The following GNG7 variants were observed in gnomAD, a reference collection of about 807,000 sequenced individuals.
GNG7 encodes G protein subunit gamma 7, also known as guanine nucleotide-binding protein G(I)/G(S)/G(O) subunit gamma-7.
A neutral mutation model predicts 4.0 loss-of-function variants in GNG7; 1 was observed. The ratio of observed to expected loss-of-function variants is 0.25; its 90% confidence interval spans 0.09 to 1.18. The LOEUF is 1.18. Ranked by LOEUF, GNG7 falls within the 50% of genes most tolerant of loss-of-function variation. The probability of loss-of-function intolerance (pLI) is 0.50; values close to 1 mark genes in which losing one functional copy is unlikely to be tolerated. For missense variants in GNG7, 86 were observed against 91.9 expected, an observed-to-expected ratio of 0.94 and a Z score of 0.26; for synonymous variants, 34 against 36.9, an observed-to-expected ratio of 0.92 and a Z score of 0.29.
At chr19:2,525,433 C>G (rs1978360325) in intron 3 of GNG7, among the ~76,000 whole-genome samples, 1 of 152,180 alleles carries the variant, frequency 6.6e-6, no homozygotes. Flanking sequence ...CGAGTCTAAG[C>G]CCGCCTCGTG....
At chr19:2,588,725 G>C (rs1007713400) in intron 2 of GNG7, among the ~76,000 whole-genome samples, 1 of 152,196 alleles carries the variant, frequency 6.6e-6, no homozygotes, top group Non-Finnish European at 1.5e-5. Flanking sequence ...GTCCTGGTTG[G>C]AGTGGCTCCA....
intron 2 of GNG7, among the ~76,000 whole-genome samples, chr19:2,567,434 C>T (rs150861860): frequency 6.6e-6 from 1 of 152,024 alleles, no homozygotes; most frequent in Non-Finnish European, 1.5e-5. Context: ...CAAGCGACCT[C>T]CCTGCCTCAG....
intron 1 of GNG7, among the ~76,000 whole-genome samples, chr19:2,693,871 C>A (rs1261582181): frequency 6.6e-6 from 1 of 152,110 alleles, no homozygotes; most frequent in East Asian, 1.9e-4. Flanking sequence ...CACAACCCCC[C>A]CAAGTCTCTA....
chr19:2,542,104 G>GTT (rs1555692195), intron 3 of GNG7, among the ~76,000 whole-genome samples: 2 of 103,624 alleles, frequency 1.9e-5, no homozygotes, highest in African/African-American at 3.7e-5. Flanking sequence ...AGCGCTGTGT[G>GTT]TTCTTTTTTT....
At chr19:2,519,877 C>T (rs1414748898) in intron 4 of GNG7, among the ~76,000 whole-genome samples, 1 of 152,150 alleles carries the variant, frequency 6.6e-6, no homozygotes, top group African/African-American at 2.4e-5. Context: ...CAAGTGTGAT[C>T]CTTGTAAAAA....
At chr19:2,601,723 G>A in intron 2 of GNG7, among the ~76,000 whole-genome samples, 1 of 151,716 alleles carries the variant, frequency 6.6e-6, no homozygotes, top group East Asian at 1.9e-4. Context: ...AGACCAGCCT[G>A]AGCAACATGG....
At chr19:2,680,531 G>A (rs1465223782) in intron 1 of GNG7, among the ~76,000 whole-genome samples, 1 of 150,638 alleles carries the variant, frequency 6.6e-6, no homozygotes, top group East Asian at 1.9e-4. Flanking sequence ...TAGACTAACA[G>A]TGGGTTTTTT....
intron 1 of GNG7, among the ~76,000 whole-genome samples, chr19:2,652,315 A>T (rs1982851709): frequency 6.6e-6 from 1 of 151,734 alleles, no homozygotes; most frequent in Non-Finnish European, 1.5e-5. Context: ...CCAAAAACAA[A>T]ACAAGCAAAG....
At chr19:2,553,539 A>G (rs988799052) in intron 3 of GNG7, among the ~76,000 whole-genome samples, 11 of 148,752 alleles carry the variant, frequency 7.4e-5, no homozygotes, top group Admixed American at 2.0e-4. Context: ...ATGTAACATC[A>G]CATTACATAT....
At chr19:2,547,406 C>T (rs1414321564) in intron 3 of GNG7, among the ~76,000 whole-genome samples, 3 of 152,052 alleles carry the variant, frequency 2.0e-5, no homozygotes, top group Non-Finnish European at 4.4e-5. Flanking sequence ...TCCCTCGGCT[C>T]GGGACCCTTC....
intron 2 of GNG7, among the ~76,000 whole-genome samples, chr19:2,625,038 G>A (rs111560070): frequency 0.014 from 2,073 of 152,282 alleles, 16 homozygotes; most frequent in Non-Finnish European, 0.022. Context: ...GCCCTGTGCC[G>A]AGGGTGCATG....
chr19:2,659,610 A>AAAAAAAAAAAG lies in GNG7; in HGVS notation c.-134-13331_-134-13330insCTTTTTTTTTT, dbSNP rs5826778. Reference sequence around the variant, plus strand: ...TCCATCTTAAAAAAAAAAAAAAAAAAAGAGAGGAGGGGAGGGAAAGAGGGA... The same window carrying AAAAAAAAAAAG: ...TCCATCTTAAAAAAAAAAAAAAAAAAAAAAAAAAAAGAGAGAGGAGGGGAGGGAAAGAGGGA... On this transcript the variant is annotated intron_variant, in intron 1 of 4. Transcript: ENST00000382159. Among the ~76,000 whole-genome samples, 845 of 121,374 alleles carry AAAAAAAAAAAG rather than the reference A, an allele frequency of 7.0e-3. 53 individuals are homozygous for AAAAAAAAAAAG. The highest frequency in any genetic ancestry group is 0.03 in the East Asian group (96 of 3,184). The allele number at this position is 121,374 out of a possible 152,430, so 79.6% of individuals were successfully genotyped here.
At chr19:2,568,176 TAC>T (rs1371794062) in intron 2 of GNG7, among the ~76,000 whole-genome samples, 4 of 141,494 alleles carry the variant, frequency 2.8e-5, no homozygotes, top group South Asian at 2.3e-4. Flanking sequence ...TACACACACA[TAC>T]ACACATGCAC....
At chr19:2,619,095 C>T (rs185398986) in intron 2 of GNG7, among the ~76,000 whole-genome samples, 1 of 152,312 alleles carries the variant, frequency 6.6e-6, no homozygotes, top group South Asian at 2.1e-4. Context: ...TGAATGAATA[C>T]CTATTTGATT....
At chr19:2,665,148 C>T (rs1048573519) in intron 1 of GNG7, among the ~76,000 whole-genome samples, 16 of 152,154 alleles carry the variant, frequency 1.1e-4, no homozygotes, top group African/African-American at 3.6e-4. Flanking sequence ...TCCTGGTGAG[C>T]AGGAAGCAGA....
Position 2,628,019 on chromosome 19 carries a change from A to G in GNG7, c.-78+18205T>C, listed in dbSNP as rs145419131. 3.6e-3 allele frequency among the ~76,000 whole-genome samples: 546 copies of G among 152,380 alleles called. 5 individuals carry two copies. The highest frequency in any genetic ancestry group is 0.013 in the African/African-American group (521 of 41,588). ...ATGTGATGATCACAACACAGTTGCC[A>G]TGTGACCCTGGGCACGTCAGCCCCT... On this transcript the variant is annotated intron_variant, in intron 2 of 4. Coordinates refer to ENST00000382159, the MANE Select transcript of GNG7 (RefSeq NM_052847.3).
At chr19:2,568,140 TACACATGCAC>T (rs1568246649) in intron 2 of GNG7, among the ~76,000 whole-genome samples, 1 of 144,288 alleles carries the variant, frequency 6.9e-6, no homozygotes, top group Admixed American at 6.9e-5. Flanking sequence ...TACACACATA[TACACATGCAC>T]ACACATACAC....
chr19:2,595,457 A>C (rs1206761927), intron 2 of GNG7, among the ~76,000 whole-genome samples: 1 of 151,434 alleles, frequency 6.6e-6, no homozygotes, highest in Non-Finnish European at 1.5e-5. Context: ...TTAAGGGCCG[A>C]GTGCAGTGGC....
intron 1 of GNG7, among the ~76,000 whole-genome samples, chr19:2,674,927 G>C (rs2144892749): frequency 6.6e-6 from 1 of 152,262 alleles, no homozygotes; most frequent in South Asian, 2.1e-4. Flanking sequence ...ACCAGAAACG[G>C]ACTCGGTTAG....
Sources: gnomAD v4.1 joint callset for allele counts (sites outside exome capture counted in the v4.1 genomes callset) on GRCh38, gnomAD v4.1.1 for gene constraint, MANE v1.5 for transcripts, NCBI Gene and HGNC (gene_info 2026-07-23, HGNC 2026-07-21) for gene names.